STX4: variants seen among roughly 807,000 people sequenced by gnomAD.
The protein encoded by STX4 is syntaxin-4.
STX4 carries 24 observed loss-of-function variants against 41.8 expected under a neutral mutation model. The observed-to-expected ratio is 0.57, with a 90% CI of 0.42 to 0.81. The LOEUF is 0.81. Ranked by LOEUF, STX4 falls within the 30% of genes least tolerant of loss-of-function variation. The pLI, the probability that STX4 is intolerant of heterozygous loss-of-function variation, is 0.00. For missense variants in STX4, 316 were observed against 389.9 expected, an observed-to-expected ratio of 0.81 and a Z score of 1.60; for synonymous variants, 158 against 156.4, an observed-to-expected ratio of 1.01 and a Z score of -0.08.
chr16:31,038,333 C>A, intron 7 of STX4, 143 bp downstream of exon 7: 3 of 1,310,170 alleles, frequency 2.3e-6, no homozygotes, highest in Non-Finnish European at 3.2e-6. Context: ...CACTGCACCC[C>A]GCTTGCTGTG....
In STX4 at chr16:31,033,708, G is replaced by C. The variant is rs2056774084; in HGVS notation, c.-98G>C. 3 of 1,446,628 alleles carry C rather than the reference G, an allele frequency of 2.1e-6. No individual in the cohort carries two copies. Among genetic ancestry groups the C allele is most frequent in the Non-Finnish European group, 2.7e-6 (3 of 1,101,202 alleles). 89.6% of individuals were successfully genotyped at this position (1,446,628 alleles called of 1,614,324 possible). A position where few individuals can be genotyped will look rare whatever the true frequency, so the allele number is the denominator to read the frequency against. On this transcript the variant is annotated 5_prime_UTR_variant, in exon 1 of 11. Transcript: ENST00000313843. The surrounding 1 kb of genome is among the most constrained non-coding windows in gnomAD (Gnocchi z 5.5). ...CTCGTGGGGGTGTTGGGGTCCGCAG[G>C]GGGAGGGAGGGGAGTGTCAGAGTGT...
Position 31,039,504 on chromosome 16 carries a change from A to C in STX4, c.703-37A>C. ...CATCTGGGGTGGGGTGGGCAAAGGC[A>C]TCCTTACCTCCCTGAACCACCCCAT... On this transcript the variant is annotated intron_variant, in intron 8 of 10. Coordinates refer to ENST00000313843, the MANE Select transcript of STX4 (RefSeq NM_004604.5). This position sits in a 1 kb window ranked among gnomAD's most constrained non-coding sequence, Gnocchi z 4.1. 6.2e-7 allele frequency: 1 copy of C among 1,601,894 alleles called. No individual in the cohort carries two copies. Among genetic ancestry groups the C allele is most frequent in the Non-Finnish European group, 8.5e-7 (1 of 1,170,746 alleles).
Position 31,038,044 on chromosome 16 carries a change from G to C in STX4, c.487+10G>C, listed in dbSNP as rs1167518955. On this transcript the variant is annotated intron_variant, in intron 6 of 10. Transcript: ENST00000313843. ...AGGCAGCTGAAGATCAGTGAGTTGT[G>C]CATGCCCAGCCTGGCCCGCAGGGGC... is the stretch of plus-strand genomic sequence containing the variant. 1 of 1,614,182 alleles carries C rather than the reference G, an allele frequency of 6.2e-7. No individual in the cohort carries two copies. Among genetic ancestry groups the C allele is most frequent in the African/African-American group, 1.3e-5 (1 of 75,056 alleles).
At chr16:31,037,065 T>G (rs12446788) in intron 5 of STX4, among the ~76,000 whole-genome samples, 2 of 42,242 alleles carry the variant, frequency 4.7e-5, no homozygotes, top group Non-Finnish European at 1.2e-4. Context: ...CCCCCCCCCC[T>G]TTTTTTTTTT....
intron 5 of STX4, 60 bp from the exon 6 acceptor site, chr16:31,037,866 G>T (rs929795501): frequency 6.3e-7 from 1 of 1,583,746 alleles, no homozygotes; most frequent in African/African-American, 1.3e-5. Flanking sequence ...TGGGGTTGCC[G>T]AGGCACCGAC....
At position 31,039,932 on chromosome 16, in the gene STX4, C is replaced by T. The variant is rs2143730446; in HGVS notation, c.*36C>T. The T allele has an allele frequency of 9.0e-7, 1 of 1,111,568 alleles. No homozygotes were observed. Among genetic ancestry groups the T allele is most frequent in the East Asian group, 2.4e-5 (1 of 42,350 alleles). 68.9% of individuals were successfully genotyped at this position (1,111,568 alleles called of 1,614,324 possible). A position where few individuals can be genotyped will look rare whatever the true frequency, so the allele number is the denominator to read the frequency against. On this transcript the variant is annotated 3_prime_UTR_variant, in exon 11 of 11. Coordinates refer to ENST00000313843, the MANE Select transcript of STX4 (RefSeq NM_004604.5). This position sits in a 1 kb window ranked among gnomAD's most constrained non-coding sequence, Gnocchi z 4.1. ...TACAGGCACTAGGAGCACCAGGAAC[C>T]CAGGGCCTGGCCTTCTCTCCCAGCA...
rs1596735249 is a variant in STX4 at position 31,034,840 on chromosome 16, T to C, written c.308-130T>C. The C allele has an allele frequency of 5.7e-6, 5 of 873,504 alleles. No homozygotes were observed. The East Asian group carries it at 1.1e-4, about 19-fold the overall frequency. 54.1% of individuals were successfully genotyped at this position (873,504 alleles called of 1,614,324 possible). ...CTGCATACCTATGGGAACTCAGTGA[T>C]GTAATGCAAAGAAAAATAAACTTAC... On this transcript the variant is annotated intron_variant, in intron 4 of 10. Transcript: ENST00000313843.
chr16:31,037,062 C>CCG (rs555736237), intron 5 of STX4, among the ~76,000 whole-genome samples: 20 of 144,880 alleles, frequency 1.4e-4, no homozygotes, highest in Admixed American at 1.2e-3. Context: ...AGACCCCCCC[C>CCG]CCTTTTTTTT....
chr16:31,033,411 G>T (rs533666381), upstream of STX4: 21 of 1,382,260 alleles, frequency 1.5e-5, no homozygotes, highest in East Asian at 4.7e-4. This position sits in a 1 kb window ranked among gnomAD's most constrained non-coding sequence, Gnocchi z 5.5. Context: ...AAGATGCAAC[G>T]GTTCCGGTGA....
Position 31,039,773 on chromosome 16 carries a change from A to T in STX4, c.864A>T (p.Ala288=). The change falls in exon 10 of 11, where the codon GCA becomes GCT. Residue 288 remains alanine, a synonymous_variant. Coordinates refer to ENST00000313843, the MANE Select transcript of STX4 (RefSeq NM_004604.5). This position sits in a 1 kb window ranked among gnomAD's most constrained non-coding sequence, Gnocchi z 4.1. ...TGTCCATCACCGTCGTCCTCCTAGC[A>T]GTCATCATTGGCGTCACAGTGGTTG... ...ICVSITVVLL[A]VIIGVTVVG 6.2e-7 allele frequency: 1 copy of T among 1,614,200 alleles called. No homozygotes were observed. Among genetic ancestry groups the T allele is most frequent in the Non-Finnish European group, 8.5e-7 (1 of 1,180,038 alleles).
At chr16:31,037,062 C>CG (rs1555496666) in intron 5 of STX4, among the ~76,000 whole-genome samples, 1 of 144,778 alleles carries the variant, frequency 6.9e-6, no homozygotes, top group Admixed American at 6.9e-5. Flanking sequence ...AGACCCCCCC[C>CG]CCTTTTTTTT....
At position 31,033,704 on chromosome 16, in the gene STX4, G is replaced by T; in HGVS notation, c.-102G>T. The T allele has an allele frequency of 1.4e-6, 2 of 1,445,500 alleles. No individual in the cohort carries two copies. The highest frequency in any genetic ancestry group is 9.1e-7 in the Non-Finnish European group (1 of 1,101,160). The allele number at this position is 1,445,500 out of a possible 1,614,324, so 89.5% of individuals were successfully genotyped here. On this transcript the variant is annotated 5_prime_UTR_variant, in exon 1 of 11. Transcript: ENST00000313843. This position sits in a 1 kb window ranked among gnomAD's most constrained non-coding sequence, Gnocchi z 5.5. ...GCGGCTCGTGGGGGTGTTGGGGTCC[G>T]CAGGGGGAGGGAGGGGAGTGTCAGA...
rs550241126 is a variant in STX4, at chr16:31,039,977, G to C, written c.*81G>C. On this transcript the variant is annotated 3_prime_UTR_variant, in exon 11 of 11. Coordinates refer to ENST00000313843, the MANE Select transcript of STX4 (RefSeq NM_004604.5). The surrounding 1 kb of genome is among the most constrained non-coding windows in gnomAD (Gnocchi z 4.1). Reference sequence around the variant, plus strand: ...CCAGCAGCCTGGGGGGCAGGGCAGAGCCTCCAGTCGGACCCCTTCCTCACA... The same window carrying C: ...CCAGCAGCCTGGGGGGCAGGGCAGACCCTCCAGTCGGACCCCTTCCTCACA... 1.2e-4 allele frequency: 84 copies of C among 694,750 alleles called. 1 individual carries two copies. The South Asian group carries it at 1.4e-3, about 12-fold the overall frequency. 43.0% of individuals were successfully genotyped at this position (694,750 alleles called of 1,614,324 possible). A position where few individuals can be genotyped will look rare whatever the true frequency, so the allele number is the denominator to read the frequency against.
At position 31,039,574 on chromosome 16, in the gene STX4, C is replaced by T; in HGVS notation, c.736C>T (p.Leu246=). The T allele has an allele frequency of 6.2e-7, 1 of 1,614,156 alleles. No homozygotes were observed. Among genetic ancestry groups the T allele is most frequent in the Non-Finnish European group, 8.5e-7 (1 of 1,180,030 alleles). The change falls in exon 9 of 11, where the codon CTG becomes TTG. Residue 246 remains leucine (L), a synonymous_variant. Transcript: ENST00000313843. The surrounding 1 kb of genome is among the most constrained non-coding windows in gnomAD (Gnocchi z 4.1). The stretch of plus-strand genomic sequence containing the variant: ...GATCAATCGGATTGAGAAGAACATC[C>T]TGAGCTCAGCGGACTACGTGGAACG... The part of the protein sequence containing the change: ...EMINRIEKNI[L]SSADYVERGQ...
chr16:31,037,247 A>G (rs1481072198), intron 5 of STX4, among the ~76,000 whole-genome samples: 2 of 151,324 alleles, frequency 1.3e-5, no homozygotes, highest in Non-Finnish European at 2.9e-5. Flanking sequence ...TACTTTTAGT[A>G]GAGATGGGGT....
At chr16:31,034,585 T>C (rs991717735) in intron 4 of STX4, 49 bp downstream of exon 4, 1 of 1,501,808 alleles carries the variant, frequency 6.7e-7, no homozygotes, top group Middle Eastern at 2.0e-4. Flanking sequence ...TCCTGCCCTG[T>C]TGTTGGTATA....
At chr16:31,034,362 C>A in intron 3 of STX4, 37 bp downstream of exon 3, 1 of 1,613,094 alleles carries the variant, frequency 6.2e-7, no homozygotes, top group Non-Finnish European at 8.5e-7. Flanking sequence ...CATGCTCCGC[C>A]CCAGGGATTG....
chr16:31,037,877 C>T lies in STX4; in HGVS notation c.379-49C>T, dbSNP rs370901169. 1.4e-4 allele frequency: 230 copies of T among 1,604,314 alleles called. 1 individual carries two copies. The highest frequency in any genetic ancestry group is 1.8e-4 in the Non-Finnish European group (215 of 1,172,272). On this transcript the variant is annotated intron_variant, in intron 5 of 10. Coordinates refer to ENST00000313843, the MANE Select transcript of STX4 (RefSeq NM_004604.5). Reference sequence around the variant, plus strand: ...ACTATGGGGTTGCCGAGGCACCGACCGGGCAGGGATCCTCCCAGGGGCACT... The same window carrying T: ...ACTATGGGGTTGCCGAGGCACCGACTGGGCAGGGATCCTCCCAGGGGCACT...
intron 4 of STX4, 189 bp downstream of exon 4, chr16:31,034,725 T>C: frequency 1.4e-6 from 1 of 720,288 alleles, no homozygotes; most frequent in Non-Finnish European, 2.2e-6. Context: ...CTCAGGTTCT[T>C]TTATTTACAA....
Sources: gnomAD v4.1 joint callset for allele counts (sites outside exome capture counted in the v4.1 genomes callset) on GRCh38, gnomAD v4.1.1 for gene constraint, Gnocchi (gnomAD v3.1) non-coding constraint, MANE v1.5 for transcripts, NCBI Gene and HGNC (gene_info 2026-07-23, HGNC 2026-07-21) for gene names.